The following ESR1 variants were observed in gnomAD, a reference collection of about 807,000 sequenced individuals.
ESR1 encodes estrogen receptor.
In ESR1, 12 loss-of-function variants were observed where a neutral mutation model predicts 52.7. The ratio of observed to expected loss-of-function variants is 0.23; its 90% CI spans 0.15 to 0.37. The LOEUF (loss-of-function observed/expected upper bound fraction) is 0.37, where lower values mean the gene tolerates loss of function less well. Among genes scored for constraint, ESR1 ranks in the 10% least tolerant of loss-of-function variants. The pLI is 1.00. For missense variants in ESR1, 584 were observed against 779.7 expected (o/e 0.75, Z 2.99); for synonymous variants, 305 against 316.8 (o/e 0.96, Z 0.39).
At chr6:151,684,501 A>G (rs77608038) in intron 1 of ESR1, among the ~76,000 whole-genome samples, 1,909 of 152,286 alleles carry the variant, frequency 0.013, 43 homozygotes, top group African/African-American at 0.044. Flanking sequence ...CAATTAGGAC[A>G]CCATTGCAAA....
chr6:151,812,958 A>C (rs1779043736), intron 1 of ESR1, among the ~76,000 whole-genome samples: 1 of 136,500 alleles, frequency 7.3e-6, no homozygotes, highest in African/African-American at 2.9e-5. Context: ...TTGACGTGTA[A>C]TGTCACTTAC....
intron 6 of ESR1, among the ~76,000 whole-genome samples, chr6:152,076,995 C>A (rs2048788383): frequency 1.3e-5 from 2 of 152,134 alleles, no homozygotes; most frequent in Admixed American, 1.3e-4. Context: ...GCATAAGTAA[C>A]AAGGAGCCAA....
At chr6:151,781,348 A>G (rs889426856) in intron 2 of ESR1, among the ~76,000 whole-genome samples, 2 of 152,254 alleles carry the variant, frequency 1.3e-5, no homozygotes, top group South Asian at 4.1e-4. Context: ...GCCAAGAGGT[A>G]AAATGTGGCT....
intron 4 of ESR1, among the ~76,000 whole-genome samples, chr6:151,975,161 C>T (rs567314973): frequency 6.6e-6 from 1 of 152,292 alleles, no homozygotes; most frequent in African/African-American, 2.4e-5. Context: ...TCCCTTCTGT[C>T]CTCTTGGCCT....
At chr6:152,109,516 A>G (rs1380145729) in intron 6 of ESR1, among the ~76,000 whole-genome samples, 3 of 151,448 alleles carry the variant, frequency 2.0e-5, no homozygotes, top group African/African-American at 4.8e-5. Context: ...AAAAAAAAAA[A>G]GAAAGAAAGA....
At chr6:152,022,279 C>G (rs890832835) in intron 5 of ESR1, among the ~76,000 whole-genome samples, 1 of 151,964 alleles carries the variant, frequency 6.6e-6, no homozygotes, top group Non-Finnish European at 1.5e-5. Context: ...GCGGTATTGG[C>G]GACTGAAAGG....
chr6:152,075,714 T>C (rs765961859), intron 6 of ESR1, among the ~76,000 whole-genome samples: 14 of 152,258 alleles, frequency 9.2e-5, no homozygotes, highest in Non-Finnish European at 1.6e-4. Context: ...TCTCATTTAT[T>C]AGTGACTATT....
chr6:151,858,151 A>G (rs957832312), intron 2 of ESR1, among the ~76,000 whole-genome samples: 6 of 152,166 alleles, frequency 3.9e-5, no homozygotes, highest in African/African-American at 1.4e-4. Context: ...GCTTTCGTTC[A>G]TTATCCATGA....
intron 5 of ESR1, among the ~76,000 whole-genome samples, chr6:152,022,141 C>G (rs2043711279): frequency 6.6e-6 from 1 of 152,162 alleles, no homozygotes; most frequent in African/African-American, 2.4e-5. Flanking sequence ...TCATGACAAG[C>G]ATCACTACTG....
chr6:151,830,988 C>G (rs1583528145), intron 1 of ESR1, among the ~76,000 whole-genome samples: 1 of 152,252 alleles, frequency 6.6e-6, no homozygotes, highest in African/African-American at 2.4e-5. Context: ...AAACTTTCAT[C>G]AAGTCATTCT....
chr6:151,987,929 TA>T (rs2040647649), intron 4 of ESR1, among the ~76,000 whole-genome samples: 1 of 152,096 alleles, frequency 6.6e-6, no homozygotes, highest in Admixed American at 6.5e-5. Context: ...AGAGTGCAAA[TA>T]ATCACCTCCC....
intron 3 of ESR1, among the ~76,000 whole-genome samples, chr6:151,931,680 C>T (rs1207485942): frequency 6.9e-6 from 1 of 145,600 alleles, no homozygotes; most frequent in Admixed American, 6.9e-5. Flanking sequence ...TCAGTTCCCA[C>T]CTATGAGTGA....
At chr6:151,943,961 A>G (rs886877357) in intron 3 of ESR1, among the ~76,000 whole-genome samples, 2 of 152,190 alleles carry the variant, frequency 1.3e-5, no homozygotes, top group Non-Finnish European at 2.9e-5. Context: ...TTGGCATGTT[A>G]TGGTGGTAGT....
chr6:151,721,367 A>T (rs7772579), intron 2 of ESR1, among the ~76,000 whole-genome samples: 1 of 151,904 alleles, frequency 6.6e-6, no homozygotes, highest in African/African-American at 2.4e-5. Context: ...TTTGGTATGA[A>T]CTGTCAGGCT....
intron 2 of ESR1, among the ~76,000 whole-genome samples, chr6:151,763,795 A>G (rs1784835970): frequency 6.6e-6 from 1 of 152,190 alleles, no homozygotes. Context: ...ACAAGAATGA[A>G]CAAGACTCCT....
At chr6:151,905,158 A>G (rs1797249237) in intron 3 of ESR1, among the ~76,000 whole-genome samples, 1 of 152,208 alleles carries the variant, frequency 6.6e-6, no homozygotes, top group South Asian at 2.1e-4. Flanking sequence ...AGAGTAGAGA[A>G]CTCAAACAGC....
rs1235938177 is a variant in ESR1 at position 152,100,999 on chromosome 6, T to G, written c.*2033T>G. ...AATTCTGTTCTGGATTTAATTTGAC[T>G]GGGTTAACATGCAAAAACCAAGGAA... On this transcript the variant is annotated 3_prime_UTR_variant, in exon 8 of 8. Coordinates refer to ENST00000206249, the MANE Select transcript of ESR1 (RefSeq NM_000125.4). The G allele has an allele frequency of 4.3e-6, 1 of 230,014 alleles. No homozygotes were observed. The highest frequency in any genetic ancestry group is 8.6e-6 in the Non-Finnish European group (1 of 116,190). The allele number at this position is 230,014 out of a possible 1,614,324, so 14.2% of individuals were successfully genotyped here.
rs530323281 is a variant in ESR1 at position 151,701,454 on chromosome 6, A to G, written c.-201-421A>G. ...TGAGGCAGAAGAAATGCTTGAACCC[A>G]GGAGGTGGAGGTTGCAGTGAGCCGA... On this transcript the variant is annotated intron_variant, in intron 1 of 2. Coordinates refer to the ESR1 transcript ENST00000404742. Among the ~76,000 whole-genome samples the G allele has an allele frequency of 1.3e-4, 19 of 145,282 alleles. No individual in the cohort carries two copies. In the South Asian group the frequency reaches 3.5e-3, roughly 27 times the overall value.
At chr6:151,922,785 T>A (rs978143781) in intron 3 of ESR1, among the ~76,000 whole-genome samples, 2 of 152,192 alleles carry the variant, frequency 1.3e-5, no homozygotes, top group Non-Finnish European at 2.9e-5. Context: ...CTAGATCCTC[T>A]AAGCTGATAG....
Sources: allele counts gnomAD v4.1 joint callset (sites outside exome capture counted in the v4.1 genomes callset), GRCh38; gene constraint gnomAD v4.1.1; transcripts MANE v1.5; gene names NCBI Gene and HGNC (gene_info 2026-07-23, HGNC 2026-07-21).